The following ATXN10 variants were observed in gnomAD, a reference collection of about 807,000 sequenced individuals.
ATXN10 encodes ataxin 10, also known as ataxin-10.
ATXN10 carries 28 observed loss-of-function variants against 52.9 expected under a neutral mutation model. The ratio of observed to expected loss-of-function variants is 0.53; its 90% CI spans 0.39 to 0.73. The LOEUF is 0.73. Among genes scored for constraint, ATXN10 ranks in the 30% least tolerant of loss-of-function variants. ATXN10 has a pLI of 0.00. For synonymous variants in ATXN10, 226 were observed against 221.5 expected, an observed-to-expected ratio of 1.02 and a Z score of -0.18; for missense variants, 565 against 577.0, an observed-to-expected ratio of 0.98 and a Z score of 0.21.
At chr22:45,724,175 T>C (rs900519810) in intron 6 of ATXN10, among the ~76,000 whole-genome samples, 4 of 143,778 alleles carry the variant, frequency 2.8e-5, no homozygotes, top group Non-Finnish European at 6.4e-5. Flanking sequence ...TTCCTTTGGG[T>C]AGATACCCAG....
Position 45,787,381 on chromosome 22 carries a change from C to CTG in ATXN10, c.1174-19574_1174-19573dup, listed in dbSNP as rs1437868605. 7.2e-5 allele frequency among the ~76,000 whole-genome samples: 11 copies of CTG among 152,150 alleles called. No homozygotes were observed. Among genetic ancestry groups the CTG allele is most frequent in the Non-Finnish European group, 1.2e-4 (8 of 68,030 alleles). On this transcript the variant is annotated intron_variant, in intron 9 of 11. Coordinates refer to ENST00000252934, the MANE Select transcript of ATXN10 (RefSeq NM_013236.4). The surrounding 1 kb of genome is among the most constrained non-coding windows in gnomAD (Gnocchi z 4.2). ...AGTTCGGACCTTTTTCCGTCTACCG[C>CTG]TGTGTCTTGATCTGCCTCCTGGCCC...
At chr22:45,834,294 A>G (rs1356632780) in intron 10 of ATXN10, among the ~76,000 whole-genome samples, 2 of 152,170 alleles carry the variant, frequency 1.3e-5, no homozygotes, top group African/African-American at 4.8e-5. Context: ...ATCACCAGGT[A>G]CTTGGTAAAC....
intron 9 of ATXN10, among the ~76,000 whole-genome samples, chr22:45,802,400 T>C (rs776161314): frequency 3.9e-5 from 6 of 152,350 alleles, no homozygotes; most frequent in East Asian, 1.9e-4. Flanking sequence ...CTTGTAGTTA[T>C]AGCAGTAAAC....
intron 9 of ATXN10, among the ~76,000 whole-genome samples, chr22:45,796,836 T>C (rs1352136604): frequency 6.6e-6 from 1 of 152,188 alleles, no homozygotes; most frequent in Non-Finnish European, 1.5e-5. Flanking sequence ...AATTATATGC[T>C]ATGATAAGAA....
chr22:45,775,936 G>T lies in ATXN10; in HGVS notation c.1174-31023G>T, dbSNP rs1281242369. Reference sequence around the variant, plus strand: ...CGGAGATTAAGTGGAGCCACCATGGGCACCGACATCTGTGGCCACTCCACA... The same window carrying T: ...CGGAGATTAAGTGGAGCCACCATGGTCACCGACATCTGTGGCCACTCCACA... On this transcript the variant is annotated intron_variant, in intron 9 of 11. Transcript: ENST00000252934. The surrounding 1 kb of genome is among the most constrained non-coding windows in gnomAD (Gnocchi z 4.7). Among the ~76,000 whole-genome samples the T allele has an allele frequency of 6.6e-6, 1 of 152,106 alleles. No homozygotes were observed. The highest frequency in any genetic ancestry group is 1.9e-4 in the East Asian group (1 of 5,192).
At position 45,672,055 on chromosome 22, in the gene ATXN10, A is replaced by G; in HGVS notation, c.-9A>G. 6.5e-7 allele frequency: 1 copy of G among 1,535,248 alleles called. No individual in the cohort carries two copies. ...CCTCGTCAGGCTCGACCCAGCTGTG[A>G]GCGGCAAGATGGCGGCGCCCAGGCC... On this transcript the variant is annotated 5_prime_UTR_variant, in exon 1 of 12. Coordinates refer to ENST00000252934, the MANE Select transcript of ATXN10 (RefSeq NM_013236.4).
intron 10 of ATXN10, among the ~76,000 whole-genome samples, chr22:45,815,196 C>T (rs1309702507): frequency 6.6e-6 from 1 of 152,202 alleles, no homozygotes; most frequent in African/African-American, 2.4e-5. Context: ...ATGGATGAAT[C>T]TCACTAGCAT....
intron 10 of ATXN10, among the ~76,000 whole-genome samples, chr22:45,813,122 T>C (rs1348915035): frequency 6.6e-6 from 1 of 152,124 alleles, no homozygotes; most frequent in Non-Finnish European, 1.5e-5. Context: ...CCCAACTCAC[T>C]TTTGGGTCAC....
intron 7 of ATXN10, among the ~76,000 whole-genome samples, chr22:45,730,596 C>A (rs1925052227): frequency 6.6e-6 from 1 of 152,082 alleles, no homozygotes; most frequent in African/African-American, 2.4e-5. Context: ...ACCACCATGC[C>A]CAGATAATTT....
intron 3 of ATXN10, among the ~76,000 whole-genome samples, chr22:45,694,264 A>T (rs1923500330): frequency 6.6e-6 from 1 of 152,128 alleles, no homozygotes; most frequent in Non-Finnish European, 1.5e-5. Context: ...TCTTAACATA[A>T]TGTTTAAAAA....
chr22:45,834,064 C>T (rs1030990471), intron 10 of ATXN10, among the ~76,000 whole-genome samples: 1 of 152,222 alleles, frequency 6.6e-6, no homozygotes, highest in Non-Finnish European at 1.5e-5. Flanking sequence ...CAGCCCCTGG[C>T]ACATCCTGTG....
In ATXN10 at chr22:45,740,593, T is replaced by A. The variant is rs572132200; in HGVS notation, c.1173+55T>A. Reference sequence around the variant, plus strand: ...ATGTATGGCTTCATTTAGAATATAGTCCTTGGAAGACATTCACTCTTTTGG... The same window carrying A: ...ATGTATGGCTTCATTTAGAATATAGACCTTGGAAGACATTCACTCTTTTGG... On this transcript the variant is annotated intron_variant, in intron 9 of 11. Coordinates refer to ENST00000252934, the MANE Select transcript of ATXN10 (RefSeq NM_013236.4). 7.1e-6 allele frequency: 11 copies of A among 1,555,230 alleles called. No individual in the cohort carries two copies. The South Asian group carries it at 1.1e-4, about 16-fold the overall frequency.
intron 1 of ATXN10, among the ~76,000 whole-genome samples, chr22:45,687,024 A>G (rs925674871): frequency 5.3e-5 from 8 of 152,168 alleles, no homozygotes; most frequent in African/African-American, 1.7e-4. Context: ...TTATACTGCA[A>G]ACGCGAATTA....
chr22:45,685,074 A>G (rs1382456567), intron 1 of ATXN10, among the ~76,000 whole-genome samples: 1 of 146,312 alleles, frequency 6.8e-6, no homozygotes, highest in Non-Finnish European at 1.5e-5. Flanking sequence ...TAGTTGTAGC[A>G]TTACAATGAC....
Position 45,762,549 on chromosome 22 carries a change from C to A in ATXN10, c.1173+22011C>A, listed in dbSNP as rs543912098. Among the ~76,000 whole-genome samples the A allele has an allele frequency of 5.3e-5, 8 of 152,270 alleles. No homozygotes were observed. The South Asian group carries it at 1.7e-3, about 32-fold the overall frequency. ...GGCTCCCAGGCATGCTCCTGTCTGG[C>A]CAGGGTGCTTCCTCCTCGCTCTCCA... On this transcript the variant is annotated intron_variant, in intron 9 of 11. Coordinates refer to ENST00000252934, the MANE Select transcript of ATXN10 (RefSeq NM_013236.4). The surrounding 1 kb of genome is among the most constrained non-coding windows in gnomAD (Gnocchi z 4.3).
Position 45,828,827 on chromosome 22 carries a change from A to T in ATXN10, c.1238-14164A>T, listed in dbSNP as rs539744191. On this transcript the variant is annotated intron_variant, in intron 10 of 11. Coordinates refer to ENST00000252934, the MANE Select transcript of ATXN10 (RefSeq NM_013236.4). The surrounding 1 kb of genome is among the most constrained non-coding windows in gnomAD (Gnocchi z 4.5). ...ATGCCTTCACTGGTGAATTCTAGCAAACATTTCAAGGGGAACTAATACCAA... is the reference window on the plus strand; with the variant it reads ...ATGCCTTCACTGGTGAATTCTAGCATACATTTCAAGGGGAACTAATACCAA... Among the ~76,000 whole-genome samples, 1 of 152,218 alleles carries T rather than the reference A, an allele frequency of 6.6e-6. No individual in the cohort carries two copies. The highest frequency in any genetic ancestry group is 1.5e-5 in the Non-Finnish European group (1 of 68,030).
Position 45,780,034 on chromosome 22 carries a change from G to A in ATXN10, c.1174-26925G>A, listed in dbSNP as rs17574591. ...TTTAATATCTAAGTATTCTACATTCGTGAAATTCCAAATAAAAACGCTTAT... is the reference window on the plus strand; with the variant it reads ...TTTAATATCTAAGTATTCTACATTCATGAAATTCCAAATAAAAACGCTTAT... On this transcript the variant is annotated intron_variant, in intron 9 of 11. Coordinates refer to ENST00000252934, the MANE Select transcript of ATXN10 (RefSeq NM_013236.4). This position sits in a 1 kb window ranked among gnomAD's most constrained non-coding sequence, Gnocchi z 4.0. 0.1 allele frequency among the ~76,000 whole-genome samples: 15,504 copies of A among 151,756 alleles called. 959 individuals are homozygous for A. Among genetic ancestry groups the A allele is most frequent in the Middle Eastern group, 0.16 (46 of 290 alleles).
At chr22:45,749,484 A>G (rs188250822) in intron 9 of ATXN10, among the ~76,000 whole-genome samples, 2 of 152,280 alleles carry the variant, frequency 1.3e-5, no homozygotes, top group East Asian at 3.9e-4. Flanking sequence ...AGCTTTTTCC[A>G]CAATTCTTAC....
At chr22:45,822,299 T>C (rs1316788705) in intron 10 of ATXN10, among the ~76,000 whole-genome samples, 2 of 152,154 alleles carry the variant, frequency 1.3e-5, no homozygotes, top group Non-Finnish European at 2.9e-5. Flanking sequence ...GCTACACATA[T>C]GTGTGGGTGT....
Sources: allele counts gnomAD v4.1 joint callset (sites outside exome capture counted in the v4.1 genomes callset), GRCh38; gene constraint gnomAD v4.1.1; non-coding constraint Gnocchi (gnomAD v3.1); transcripts MANE v1.5; gene names NCBI Gene and HGNC (gene_info 2026-07-23, HGNC 2026-07-21).